ADCK1: variants seen among roughly 807,000 people sequenced by gnomAD.
ADCK1 encodes the protein aarF domain-containing protein kinase 1.
In ADCK1, 41 loss-of-function variants were observed where a neutral mutation model predicts 52.3. That is an observed-to-expected ratio of 0.78 (90% CI 0.61 to 1.02). The LOEUF is 1.02. ADCK1 is among the 50% of genes least tolerant of loss of function. ADCK1 has a pLI of 0.00. For missense variants in ADCK1, 658 were observed against 679.5 expected (o/e 0.97, Z 0.35); for synonymous variants, 250 against 274.6 (o/e 0.91, Z 0.89).
chr14:77,854,380 C>T (rs2082372826), intron 3 of ADCK1, among the ~76,000 whole-genome samples: 1 of 152,152 alleles, frequency 6.6e-6, no homozygotes. Flanking sequence ...TATTTACAGC[C>T]ATGATACTGG....
chr14:77,826,493 A>G (rs1046102203), intron 3 of ADCK1, among the ~76,000 whole-genome samples: 10 of 152,190 alleles, frequency 6.6e-5, no homozygotes, highest in Non-Finnish European at 1.5e-4. Context: ...CTAGAGGCAT[A>G]GTGGCCCTTT....
rs1247287587 is a variant in ADCK1, at chr14:77,931,564, G to A, written c.1253G>A (p.Ser418Asn). 1 of 1,613,868 alleles carries A rather than the reference G, an allele frequency of 6.2e-7. No individual in the cohort carries two copies. Among genetic ancestry groups the A allele is most frequent in the African/African-American group, 1.3e-5 (1 of 74,932 alleles). ...GCGGCCAACTACCTCCCCCAGATCA[G>A]CCATCTCCTCAACCACGTGCCGCGC... ...NNAANYLPQI[S>N]HLLNHVPRQM... The change falls in exon 10 of 11, where the codon AGC becomes AAC. Residue 418 changes from serine to asparagine, a missense_variant. Physicochemically the swap from Ser to Asn is conservative, Grantham distance 46. Coordinates refer to ENST00000238561, the MANE Select transcript of ADCK1 (RefSeq NM_020421.4).
At chr14:77,892,898 GTC>G (rs1371698144) in intron 5 of ADCK1, among the ~76,000 whole-genome samples, 2 of 152,154 alleles carry the variant, frequency 1.3e-5, no homozygotes, top group Non-Finnish European at 2.9e-5. Flanking sequence ...AGAGTTTTGT[GTC>G]TACTCTGAAC....
intron 7 of ADCK1, among the ~76,000 whole-genome samples, chr14:77,912,686 A>G (rs1355463431): frequency 2.6e-5 from 4 of 152,072 alleles, no homozygotes; most frequent in Non-Finnish European, 5.9e-5. Context: ...GTGTAGTGTG[A>G]TTAGTGGCAT....
At chr14:77,809,281 T>C (rs1261315497) in intron 1 of ADCK1, among the ~76,000 whole-genome samples, 2 of 152,174 alleles carry the variant, frequency 1.3e-5, no homozygotes, top group Admixed American at 1.3e-4. Context: ...GGTTGAGTAG[T>C]TCAGGCAAGA....
intron 1 of ADCK1, among the ~76,000 whole-genome samples, chr14:77,816,491 A>C (rs550323291): frequency 3.3e-5 from 5 of 152,264 alleles, no homozygotes; most frequent in African/African-American, 1.2e-4. Flanking sequence ...TGCTGATATC[A>C]TGAAGCTTCC....
intron 5 of ADCK1, among the ~76,000 whole-genome samples, chr14:77,890,644 A>T (rs1359996415): frequency 6.6e-6 from 1 of 152,206 alleles, no homozygotes; most frequent in Non-Finnish European, 1.5e-5. Flanking sequence ...CAACGTTGTC[A>T]TATGGGAGAT....
chr14:77,811,871 A>C (rs1167408445), intron 1 of ADCK1, among the ~76,000 whole-genome samples: 1 of 152,228 alleles, frequency 6.6e-6, no homozygotes, highest in Non-Finnish European at 1.5e-5. Flanking sequence ...TGGCTTATTA[A>C]AATATTGGCA....
intron 9 of ADCK1, among the ~76,000 whole-genome samples, chr14:77,930,959 C>A (rs999584144): frequency 1.3e-5 from 2 of 152,158 alleles, no homozygotes; most frequent in Middle Eastern, 3.2e-3. Flanking sequence ...GTGGCGATGA[C>A]CAGCATGAAG....
chr14:77,929,409 G>C (rs1566743982), intron 9 of ADCK1, among the ~76,000 whole-genome samples: 1 of 152,204 alleles, frequency 6.6e-6, no homozygotes, highest in Non-Finnish European at 1.5e-5. Context: ...AGTGTGGCTA[G>C]AGGCAGGAAT....
chr14:77,806,191 G>T (rs1239040634), intron 1 of ADCK1, among the ~76,000 whole-genome samples: 1 of 151,848 alleles, frequency 6.6e-6, no homozygotes, highest in African/African-American at 2.4e-5. Flanking sequence ...CTCCCAAAGT[G>T]TTGGGATTAC....
chr14:77,896,304 A>G (rs2083407115), intron 5 of ADCK1, among the ~76,000 whole-genome samples: 1 of 152,176 alleles, frequency 6.6e-6, no homozygotes, highest in African/African-American at 2.4e-5. Context: ...CTTCACCCCC[A>G]AGTAGAGACC....
chr14:77,852,675 A>AT (rs1400469309), intron 3 of ADCK1, among the ~76,000 whole-genome samples: 4,535 of 41,936 alleles, frequency 0.11, 212 homozygotes, highest in Middle Eastern at 0.33. Context: ...ATATATATAT[A>AT]TATATATATA....
At chr14:77,906,417 G>A (rs961377077) in intron 6 of ADCK1, among the ~76,000 whole-genome samples, 1 of 152,190 alleles carries the variant, frequency 6.6e-6, no homozygotes, top group Non-Finnish European at 1.5e-5. Flanking sequence ...TGGCAGCCTG[G>A]TTGCATTCTA....
chr14:77,862,560 C>G (rs2082574463), intron 4 of ADCK1, among the ~76,000 whole-genome samples: 1 of 152,230 alleles, frequency 6.6e-6, no homozygotes, highest in Admixed American at 6.5e-5. Flanking sequence ...TGCATAGCCT[C>G]AGCCACGAGG....
At chr14:77,863,218 G>A (rs557907182) in intron 4 of ADCK1, among the ~76,000 whole-genome samples, 13 of 152,288 alleles carry the variant, frequency 8.5e-5, no homozygotes, top group South Asian at 2.1e-4. Context: ...AAAGAAGGAC[G>A]AAGAGACTGA....
chr14:77,852,678 TATATATATATA>T (rs2082319771), intron 3 of ADCK1, among the ~76,000 whole-genome samples: 6 of 74,018 alleles, frequency 8.1e-5, no homozygotes, highest in Non-Finnish European at 1.4e-4. Context: ...TATATATATA[TATATATATATA>T]TATATATATA....
chr14:77,926,590 C>T (rs1313376564), intron 9 of ADCK1, among the ~76,000 whole-genome samples: 2 of 152,240 alleles, frequency 1.3e-5, no homozygotes, highest in South Asian at 2.1e-4. Context: ...AAGCGATTCT[C>T]CTGTCTCAGC....
chr14:77,916,250 T>C (rs1353039692), intron 7 of ADCK1, among the ~76,000 whole-genome samples: 1 of 151,994 alleles, frequency 6.6e-6, no homozygotes, highest in Non-Finnish European at 1.5e-5. Flanking sequence ...CCTGCTCTGG[T>C]ATCTGGGTAA....
Sources: allele counts gnomAD v4.1 joint callset (sites outside exome capture counted in the v4.1 genomes callset), GRCh38; gene constraint gnomAD v4.1.1; transcripts MANE v1.5; gene names NCBI Gene and HGNC (gene_info 2026-07-23, HGNC 2026-07-21).